ITGBL1: variants seen among roughly 807,000 people sequenced by gnomAD.
The protein encoded by ITGBL1 is integrin subunit beta like 1.
In ITGBL1, 51 loss-of-function variants were observed where a neutral mutation model predicts 68.5. The observed-to-expected ratio is 0.74, with a 90% CI of 0.59 to 0.94. ITGBL1 has a LOEUF of 0.94. Ranked by LOEUF, ITGBL1 falls within the 40% of genes least tolerant of loss-of-function variation. The pLI is 0.00. For missense variants in ITGBL1, 649 were observed against 647.4 expected, an observed-to-expected ratio of 1.00 and a Z score of -0.03; for synonymous variants, 209 against 227.3, an observed-to-expected ratio of 0.92 and a Z score of 0.72.
At chr13:101,464,002 G>A (rs747933940) in intron 2 of ITGBL1, among the ~76,000 whole-genome samples, 11 of 148,876 alleles carry the variant, frequency 7.4e-5, no homozygotes, top group Admixed American at 2.0e-4. Flanking sequence ...TCCACCCCCC[G>A]GATTCAAACG....
intron 8 of ITGBL1, among the ~76,000 whole-genome samples, chr13:101,698,771 G>A (rs1294888830): frequency 2.0e-5 from 3 of 152,116 alleles, no homozygotes; most frequent in Non-Finnish European, 4.4e-5. Flanking sequence ...TTCACATACT[G>A]GCACATGTGT....
chr13:101,583,254 G>T lies in ITGBL1; in HGVS notation c.766G>T (p.Asp256Tyr). Reference protein sequence around the residue: ...VCGECTCHDVDPTGDWGDIHG... With the variant: ...VCGECTCHDVYPTGDWGDIHG... ...TGGTGAATGTACCTGTCACGATGTTGATCCGACTGGGGACTGGGGAGATAT... is the reference window on the plus strand; with the variant it reads ...TGGTGAATGTACCTGTCACGATGTTTATCCGACTGGGGACTGGGGAGATAT... Residue 256 changes from aspartate (D) to tyrosine (Y), a missense_variant, in exon 6 of 11, where the codon GAT becomes TAT. By Grantham distance (160) the Asp-to-Tyr change is radical. Transcript: ENST00000376180. The T allele has an allele frequency of 1.2e-6, 2 of 1,613,676 alleles. No individual in the cohort carries two copies. The highest frequency in any genetic ancestry group is 1.1e-5 in the South Asian group (1 of 91,064).
intron 3 of ITGBL1, among the ~76,000 whole-genome samples, chr13:101,568,513 C>G (rs1021698545): frequency 1.3e-5 from 2 of 151,984 alleles, no homozygotes; most frequent in Non-Finnish European, 2.9e-5. Context: ...TTTTCTCAAC[C>G]GTGGTTGAAC....
chr13:101,524,608 G>A (rs1159554531), intron 2 of ITGBL1, among the ~76,000 whole-genome samples: 1 of 146,248 alleles, frequency 6.8e-6, no homozygotes, highest in Non-Finnish European at 1.5e-5. Context: ...GTAGTATCAG[G>A]TTCTTTTTTA....
At chr13:101,663,643 G>T (rs2033142623) in intron 7 of ITGBL1, among the ~76,000 whole-genome samples, 3 of 152,104 alleles carry the variant, frequency 2.0e-5, no homozygotes, top group Admixed American at 2.0e-4. Context: ...GTCATACAAG[G>T]TTTCCCAATC....
chr13:101,632,875 T>C (rs2032032161), intron 7 of ITGBL1, among the ~76,000 whole-genome samples: 2 of 152,198 alleles, frequency 1.3e-5, no homozygotes, highest in African/African-American at 4.8e-5. Flanking sequence ...CAGTTTAATT[T>C]CACCTGATGA....
intron 2 of ITGBL1, among the ~76,000 whole-genome samples, chr13:101,515,854 A>G (rs943606686): frequency 6.6e-6 from 1 of 152,290 alleles, no homozygotes; most frequent in Non-Finnish European, 1.5e-5. Context: ...CGAAAATGGC[A>G]TTTAACCATT....
intron 9 of ITGBL1, chr13:101,712,259 A>G (rs1347291227): frequency 6.6e-6 from 1 of 152,230 alleles, no homozygotes; most frequent in Admixed American, 6.5e-5. Context: ...TAGAAATGCT[A>G]CTGTTTCATG....
intron 7 of ITGBL1, among the ~76,000 whole-genome samples, chr13:101,681,157 A>AAT (rs2139527124): frequency 6.6e-6 from 1 of 152,298 alleles, no homozygotes; most frequent in South Asian, 2.1e-4. Flanking sequence ...AGCCCTGCTA[A>AAT]ACCTATTCTT....
intron 2 of ITGBL1, among the ~76,000 whole-genome samples, chr13:101,516,553 C>T (rs758137770): frequency 6.6e-6 from 1 of 151,944 alleles, no homozygotes; most frequent in Non-Finnish European, 1.5e-5. Context: ...TAAAAATATG[C>T]ACAAGCAAAA....
At chr13:101,570,132 T>G (rs1387862014) in intron 3 of ITGBL1, among the ~76,000 whole-genome samples, 1 of 152,172 alleles carries the variant, frequency 6.6e-6, no homozygotes, top group African/African-American at 2.4e-5. Context: ...TTATCAGTTA[T>G]TTGTTATTTC....
intron 8 of ITGBL1, among the ~76,000 whole-genome samples, chr13:101,700,173 C>T (rs766747921): frequency 4.6e-5 from 7 of 152,214 alleles, no homozygotes; most frequent in Non-Finnish European, 7.3e-5. Context: ...ACCTCACTAT[C>T]TCATTGTCTT....
At chr13:101,595,265 C>A (rs2029892397) in intron 6 of ITGBL1, among the ~76,000 whole-genome samples, 1 of 152,038 alleles carries the variant, frequency 6.6e-6, no homozygotes, top group African/African-American at 2.4e-5. Flanking sequence ...ACAGAGGGAA[C>A]AAAAGAGGTT....
intron 7 of ITGBL1, among the ~76,000 whole-genome samples, chr13:101,653,039 T>C (rs9518473): frequency 0.27 from 41,454 of 150,840 alleles, 5,891 homozygotes; most frequent in Admixed American, 0.33. Flanking sequence ...GAGGTTGCAG[T>C]GAGCCGAGAT....
intron 4 of ITGBL1, among the ~76,000 whole-genome samples, chr13:101,577,626 C>T (rs2050384936): frequency 6.6e-6 from 1 of 152,112 alleles, no homozygotes; most frequent in Admixed American, 6.6e-5. Flanking sequence ...ACTTATGTTG[C>T]ACCTTCTGTA....
chr13:101,498,268 T>G (rs141334992), intron 2 of ITGBL1, among the ~76,000 whole-genome samples: 2 of 152,314 alleles, frequency 1.3e-5, no homozygotes, highest in African/African-American at 4.8e-5. Context: ...CCATATGGCC[T>G]GATGAGAATG....
chr13:101,684,200 CTCTAT>C (rs2033703134), intron 7 of ITGBL1, among the ~76,000 whole-genome samples: 1 of 151,958 alleles, frequency 6.6e-6, no homozygotes, highest in African/African-American at 2.4e-5. Flanking sequence ...TTTTTGGATT[CTCTAT>C]TCTATTCTAC....
intron 7 of ITGBL1, among the ~76,000 whole-genome samples, chr13:101,688,931 G>A (rs2033816763): frequency 1.3e-5 from 2 of 151,976 alleles, no homozygotes; most frequent in Admixed American, 1.3e-4. Context: ...GGGCATAGTG[G>A]CTCACACCTG....
chr13:101,688,181 A>G (rs570277656), intron 7 of ITGBL1, among the ~76,000 whole-genome samples: 1 of 152,346 alleles, frequency 6.6e-6, no homozygotes, highest in East Asian at 1.9e-4. Context: ...GCTGCTACCA[A>G]GATACAAATC....
Sources: allele counts gnomAD v4.1 joint callset (sites outside exome capture counted in the v4.1 genomes callset), GRCh38; gene constraint gnomAD v4.1.1; transcripts MANE v1.5; gene names NCBI Gene and HGNC (gene_info 2026-07-23, HGNC 2026-07-21).